ELAPOR2: variants seen among roughly 807,000 people sequenced by gnomAD.
The protein encoded by ELAPOR2 is endosome-lysosome associated apoptosis and autophagy regulator family member 2.
A neutral mutation model predicts 120.7 loss-of-function variants in ELAPOR2; 89 were observed. The observed-to-expected ratio is 0.74, with a 90% CI of 0.62 to 0.88. ELAPOR2 has a LOEUF of 0.88. Among genes scored for constraint, ELAPOR2 ranks in the 40% least tolerant of loss-of-function variants. ELAPOR2 has a pLI of 0.00. For synonymous variants in ELAPOR2, 444 were observed against 444.9 expected, an observed-to-expected ratio of 1.00 and a Z score of 0.03; for missense variants, 1,134 against 1,251.6, an observed-to-expected ratio of 0.91 and a Z score of 1.42.
At chr7:87,040,725 C>T (rs1427234892) in intron 1 of ELAPOR2, among the ~76,000 whole-genome samples, 4 of 152,240 alleles carry the variant, frequency 2.6e-5, no homozygotes, top group African/African-American at 9.6e-5. Context: ...TCCAAAGGAA[C>T]GCAGTTCCTC....
intron 2 of ELAPOR2, among the ~76,000 whole-genome samples, chr7:86,962,714 G>A (rs1791763540): frequency 1.3e-5 from 2 of 152,192 alleles, no homozygotes; most frequent in South Asian, 2.1e-4. Context: ...AGTTATCTGA[G>A]ATGGCTGTTG....
At chr7:86,881,497 T>A (rs1799400871) in intron 21 of ELAPOR2, among the ~76,000 whole-genome samples, 1 of 151,830 alleles carries the variant, frequency 6.6e-6, no homozygotes, top group Non-Finnish European at 1.5e-5. Flanking sequence ...GCTGGGATTA[T>A]AGACACCTGC....
chr7:86,940,145 G>A, intron 5 of ELAPOR2, 30 bp from the exon 6 acceptor site: 1 of 1,419,592 alleles, frequency 7.0e-7, no homozygotes, highest in Non-Finnish European at 9.9e-7. Context: ...GGCACTTAGG[G>A]CAGATAAGCC....
chr7:86,970,350 A>AT (rs1244962799), intron 1 of ELAPOR2, among the ~76,000 whole-genome samples: 1 of 152,196 alleles, frequency 6.6e-6, no homozygotes, highest in Non-Finnish European at 1.5e-5. Flanking sequence ...AATTTTCTTC[A>AT]TTTCATTTTG....
In ELAPOR2 at chr7:86,942,046, G is replaced by GT; in HGVS notation, c.712dup (p.Thr238AsnfsTer32). On this transcript the variant is annotated frameshift_variant, in exon 5 of 22. Transcript: ENST00000450689. LOFTEE classifies it high-confidence loss of function. The stretch of plus-strand genomic sequence containing the variant: ...ATGAGAGCCCCATTCTCCATTGTCT[G>GT]TAAGTTTTACCCACTTGTCAGTGGT... The GT allele has an allele frequency of 6.5e-7, 1 of 1,548,996 alleles. No homozygotes were observed. The highest frequency in any genetic ancestry group is 8.7e-7 in the Non-Finnish European group (1 of 1,144,686).
chr7:86,892,051 A>T (rs1472682629), intron 20 of ELAPOR2, among the ~76,000 whole-genome samples, 162 bp from the exon 21 acceptor site: 1 of 152,082 alleles, frequency 6.6e-6, no homozygotes, highest in Non-Finnish European at 1.5e-5. Context: ...TATGTGTGTT[A>T]TCATGTATCT....
chr7:86,909,740 C>T (rs1789207208), intron 16 of ELAPOR2, 72 bp downstream of exon 16: 2 of 1,311,486 alleles, frequency 1.5e-6, no homozygotes, highest in Non-Finnish European at 1.0e-6. Flanking sequence ...AACACCAATA[C>T]AATGACAAGT....
intron 1 of ELAPOR2, among the ~76,000 whole-genome samples, chr7:86,980,116 C>T (rs1248863540): frequency 6.6e-6 from 1 of 152,128 alleles, no homozygotes; most frequent in East Asian, 1.9e-4. Flanking sequence ...ATACTATTGT[C>T]GGTTGGAAAA....
At chr7:86,914,282 C>G (rs1584343525) in intron 13 of ELAPOR2, among the ~76,000 whole-genome samples, 1 of 152,052 alleles carries the variant, frequency 6.6e-6, no homozygotes, top group African/African-American at 2.4e-5. Flanking sequence ...TGGGTACATA[C>G]ACATTCTCCA....
intron 2 of ELAPOR2, among the ~76,000 whole-genome samples, chr7:86,950,613 C>T (rs1362145584): frequency 6.6e-6 from 1 of 152,186 alleles, no homozygotes; most frequent in Non-Finnish European, 1.5e-5. Context: ...GGAGTTGCTC[C>T]CCCCACCGCA....
At chr7:86,948,304 G>A (rs1484184996) in intron 2 of ELAPOR2, among the ~76,000 whole-genome samples, 1 of 152,182 alleles carries the variant, frequency 6.6e-6, no homozygotes, top group African/African-American at 2.4e-5. Flanking sequence ...CCAATGGGCA[G>A]TCAGTTGTAC....
intron 4 of ELAPOR2, among the ~76,000 whole-genome samples, chr7:86,944,154 C>T (rs1190615136): frequency 6.6e-6 from 1 of 152,016 alleles, no homozygotes; most frequent in African/African-American, 2.4e-5. Flanking sequence ...CATCTATAAG[C>T]ACAACACACA....
chr7:86,910,409 CT>C (rs1021948490), intron 15 of ELAPOR2, among the ~76,000 whole-genome samples: 21 of 152,224 alleles, frequency 1.4e-4, no homozygotes, highest in Middle Eastern at 3.4e-3. Flanking sequence ...GTTGGTCTTC[CT>C]TTTCCTTTAT....
At chr7:86,996,442 G>T (rs1793126305) in intron 1 of ELAPOR2, among the ~76,000 whole-genome samples, 1 of 152,184 alleles carries the variant, frequency 6.6e-6, no homozygotes. Context: ...GGATATTTGA[G>T]GAACAAAATG....
intron 1 of ELAPOR2, among the ~76,000 whole-genome samples, chr7:86,970,958 G>C (rs1228723801): frequency 6.6e-6 from 1 of 152,162 alleles, no homozygotes; most frequent in Non-Finnish European, 1.5e-5. Flanking sequence ...ATATGCCACT[G>C]TGTAGACTCT....
chr7:87,002,446 T>C (rs1793347957), intron 1 of ELAPOR2, among the ~76,000 whole-genome samples: 1 of 152,132 alleles, frequency 6.6e-6, no homozygotes, highest in Non-Finnish European at 1.5e-5. Flanking sequence ...ATTGTTACCA[T>C]GAGAATGGTT....
chr7:87,007,626 G>T (rs1793526180), intron 1 of ELAPOR2, among the ~76,000 whole-genome samples: 1 of 152,146 alleles, frequency 6.6e-6, no homozygotes, highest in Non-Finnish European at 1.5e-5. Context: ...ATCATCTTTG[G>T]TTCAAGGAAT....
chr7:86,938,232 C>A lies in ELAPOR2; in HGVS notation c.1001-18G>T, dbSNP rs377166277. On this transcript the variant is annotated intron_variant, in intron 7 of 21. Transcript: ENST00000450689. ...TCCTTCCTCTGCAACATAAAAAAAG[C>A]GTTTCAGAAATGGGTCAATTATTTT... The A allele has an allele frequency of 6.5e-7, 1 of 1,533,072 alleles. No homozygotes were observed. The highest frequency in any genetic ancestry group is 1.2e-5 in the South Asian group (1 of 82,572). 95.0% of individuals were successfully genotyped at this position (1,533,072 alleles called of 1,614,324 possible). A position where few individuals can be genotyped will look rare whatever the true frequency, so the allele number is the denominator to read the frequency against.
At chr7:86,983,634 G>T (rs572788319) in intron 1 of ELAPOR2, among the ~76,000 whole-genome samples, 22 of 152,280 alleles carry the variant, frequency 1.4e-4, no homozygotes, top group African/African-American at 5.3e-4. Flanking sequence ...ACAAACAAAT[G>T]CTGAGAGATT....
Sources: gnomAD v4.1 joint callset for allele counts (sites outside exome capture counted in the v4.1 genomes callset) on GRCh38, gnomAD v4.1.1 for gene constraint, MANE v1.5 for transcripts, NCBI Gene and HGNC (gene_info 2026-07-23, HGNC 2026-07-21) for gene names.